Variants in DENND1A observed in about 807,000 individuals in gnomAD.
DENND1A encodes the protein DENN domain-containing protein 1A.
A neutral mutation model predicts 113.7 loss-of-function variants in DENND1A; 51 were observed. The observed-to-expected ratio is 0.45, with a 90% CI of 0.36 to 0.57. The LOEUF is 0.57. Among genes scored for constraint, DENND1A ranks in the 20% least tolerant of loss-of-function variants. DENND1A has a pLI of 0.00. For missense variants in DENND1A, 1,258 were observed against 1,395.9 expected (o/e 0.90, Z 1.57); for synonymous variants, 565 against 570.8 (o/e 0.99, Z 0.14).
chr9:123,689,128 G>A (rs550991098), intron 5 of DENND1A, among the ~76,000 whole-genome samples: 186 of 152,170 alleles, frequency 1.2e-3, no homozygotes, highest in African/African-American at 3.8e-3. Context: ...AGCTTCAAGC[G>A]ATCCTCCCAC....
intron 8 of DENND1A, among the ~76,000 whole-genome samples, chr9:123,655,307 G>A (rs556741316): frequency 6.6e-6 from 1 of 152,260 alleles, no homozygotes; most frequent in African/African-American, 2.4e-5. Context: ...CAGCAAGCTC[G>A]GTGCACGGAG....
At chr9:123,488,888 G>A (rs1429131922) in intron 13 of DENND1A, among the ~76,000 whole-genome samples, 1 of 152,126 alleles carries the variant, frequency 6.6e-6, no homozygotes, top group Non-Finnish European at 1.5e-5. Flanking sequence ...AGGGCCTGCC[G>A]AGCCACCCGG....
chr9:123,804,700 G>A (rs917050823), intron 2 of DENND1A, among the ~76,000 whole-genome samples: 2 of 152,022 alleles, frequency 1.3e-5, no homozygotes, highest in South Asian at 2.1e-4. Flanking sequence ...TCACATCCCA[G>A]AGCCAATGTA....
At chr9:123,480,552 T>A (rs1348547493) in intron 13 of DENND1A, among the ~76,000 whole-genome samples, 1 of 152,188 alleles carries the variant, frequency 6.6e-6, no homozygotes, top group African/African-American at 2.4e-5. Flanking sequence ...TAACATCTCA[T>A]CTTACAAGCC....
At chr9:123,393,243 T>G (rs2042945700) in intron 21 of DENND1A, among the ~76,000 whole-genome samples, 1 of 152,202 alleles carries the variant, frequency 6.6e-6, no homozygotes, top group African/African-American at 2.4e-5. Context: ...CACATTCACC[T>G]GCCAACAAGT....
chr9:123,443,876 AG>A (rs1228870110), intron 18 of DENND1A, among the ~76,000 whole-genome samples: 56 of 152,226 alleles, frequency 3.7e-4, no homozygotes, highest in Admixed American at 3.7e-3. Context: ...GGATCACCAG[AG>A]CTTGGGGAGG....
chr9:123,617,506 C>G (rs2060714790), intron 10 of DENND1A, among the ~76,000 whole-genome samples: 1 of 152,128 alleles, frequency 6.6e-6, no homozygotes, highest in African/African-American at 2.4e-5. Flanking sequence ...GGTGGAGATG[C>G]CTTCTAGAGC....
chr9:123,689,297 T>C (rs573435478), intron 5 of DENND1A, among the ~76,000 whole-genome samples: 1 of 152,294 alleles, frequency 6.6e-6, no homozygotes, highest in East Asian at 1.9e-4. Context: ...AGTACTGAGA[T>C]TAAAGGTGTG....
Position 123,919,667 on chromosome 9 carries a change from A to G in DENND1A, c.17+10222T>C, listed in dbSNP as rs527959013. On this transcript the variant is annotated intron_variant, in intron 1 of 23. Coordinates refer to ENST00000394215, the MANE Select transcript of DENND1A (RefSeq NM_001352964.2). ...GAGGTGGAGGCAGGCAGATCACTTG[A>G]GGTCAGGTGTTTGAGATCAGCCTGG... is the stretch of plus-strand genomic sequence containing the variant. Among the ~76,000 whole-genome samples the G allele has an allele frequency of 2.8e-3, 430 of 151,256 alleles. 1 individual carries two copies. Among genetic ancestry groups the G allele is most frequent in the Non-Finnish European group, 4.6e-3 (314 of 67,562 alleles).
At chr9:123,697,002 C>T (rs2065563339) in intron 5 of DENND1A, among the ~76,000 whole-genome samples, 2 of 152,178 alleles carry the variant, frequency 1.3e-5, no homozygotes, top group Admixed American at 1.3e-4. Context: ...TGCCACTGTG[C>T]CGGTTAAATT....
intron 13 of DENND1A, 92 bp from the exon 14 acceptor site, chr9:123,457,989 A>G: frequency 3.4e-6 from 3 of 871,572 alleles, no homozygotes; most frequent in Non-Finnish European, 5.1e-6. Context: ...TCCATCTGCT[A>G]TTTTTTTTCT....
At chr9:123,654,764 T>C (rs2062842115) in intron 8 of DENND1A, among the ~76,000 whole-genome samples, 1 of 152,232 alleles carries the variant, frequency 6.6e-6, no homozygotes. Context: ...CTGTCTTTCT[T>C]ATCTGCTTCC....
intron 5 of DENND1A, among the ~76,000 whole-genome samples, chr9:123,681,835 T>C (rs1373644307): frequency 1.3e-5 from 2 of 151,912 alleles, no homozygotes; most frequent in African/African-American, 4.8e-5. Flanking sequence ...CTAAATACTA[T>C]TCTCCAGTAA....
chr9:123,725,931 C>T (rs895850105), intron 5 of DENND1A, among the ~76,000 whole-genome samples: 3 of 152,222 alleles, frequency 2.0e-5, no homozygotes, highest in African/African-American at 7.2e-5. Flanking sequence ...AAGAAAAACA[C>T]GTTCAGCTTT....
At chr9:123,881,994 T>C (rs1848378419) in intron 1 of DENND1A, among the ~76,000 whole-genome samples, 1 of 152,150 alleles carries the variant, frequency 6.6e-6, no homozygotes, top group Non-Finnish European at 1.5e-5. Context: ...AGGACGTTGC[T>C]CTCTGTTGAT....
At chr9:123,544,612 T>C (rs2056524363) in intron 13 of DENND1A, among the ~76,000 whole-genome samples, 7 of 152,190 alleles carry the variant, frequency 4.6e-5, no homozygotes, top group Admixed American at 3.9e-4. Context: ...TGACAATCTT[T>C]CCTAGCCTCA....
chr9:123,834,794 A>G (rs952401982), intron 2 of DENND1A, among the ~76,000 whole-genome samples: 13 of 152,224 alleles, frequency 8.5e-5, no homozygotes, highest in African/African-American at 2.7e-4. Context: ...AGCAGCTTGG[A>G]GCTAGGAAAC....
chr9:123,714,877 C>A (rs867542006), intron 5 of DENND1A, among the ~76,000 whole-genome samples: 6 of 152,200 alleles, frequency 3.9e-5, no homozygotes, highest in Middle Eastern at 3.4e-3. Flanking sequence ...TTTTCAGTAA[C>A]TTCTAAAATA....
At chr9:123,490,076 T>TA (rs547367738) in intron 13 of DENND1A, among the ~76,000 whole-genome samples, 57 of 152,200 alleles carry the variant, frequency 3.7e-4, no homozygotes, top group Middle Eastern at 3.4e-3. Flanking sequence ...ACACTTTGGT[T>TA]AAAAAAAATC....
Sources: gnomAD v4.1 joint callset for allele counts (sites outside exome capture counted in the v4.1 genomes callset) on GRCh38, gnomAD v4.1.1 for gene constraint, MANE v1.5 for transcripts, NCBI Gene and HGNC (gene_info 2026-07-23, HGNC 2026-07-21) for gene names.